The following GOLGA8A variants were observed in gnomAD, a reference collection of about 807,000 sequenced individuals.
The protein encoded by GOLGA8A is golgin A8 family member A.
Under a neutral mutation model 22.1 loss-of-function variants are expected in GOLGA8A, and 3 were observed. That is an observed-to-expected ratio of 0.14 (90% CI 0.06 to 0.35). The LOEUF is 0.35. Ranked by LOEUF, GOLGA8A falls within the 10% of genes least tolerant of loss-of-function variation. GOLGA8A has a pLI of 1.00. For synonymous variants in GOLGA8A, 7 were observed against 91.7 expected, an observed-to-expected ratio of 0.08 and a Z score of 5.28; for missense variants, 16 against 233.2, an observed-to-expected ratio of 0.07 and a Z score of 6.07.
Position 34,433,699 on chromosome 15 carries a change from T to C in GOLGA8A, c.-1123+1684A>G, listed in dbSNP as rs1231523880. ...CTCCCGTGTTTCATTCACTCACTCATCCAACAACAGCACTAAGGCTCTGCT... is the reference window on the plus strand; with the variant it reads ...CTCCCGTGTTTCATTCACTCACTCACCCAACAACAGCACTAAGGCTCTGCT... On this transcript the variant is annotated intron_variant, in intron 2 of 24. Transcript: ENST00000359187. Among the ~76,000 whole-genome samples, 4 of 149,438 alleles carry C rather than the reference T, an allele frequency of 2.7e-5. No homozygotes were observed. In the East Asian group the frequency reaches 7.9e-4, roughly 29 times the overall value.
At chr15:34,421,519 A>G (rs963197330) in intron 2 of GOLGA8A, among the ~76,000 whole-genome samples, 6 of 140,810 alleles carry the variant, frequency 4.3e-5, no homozygotes, top group Admixed American at 2.2e-4. Context: ...CAAGAATCCT[A>G]AAAGTTAACG....
intron 5 of GOLGA8A, among the ~76,000 whole-genome samples, chr15:34,401,021 T>C (rs1441600154): frequency 1.2e-5 from 1 of 80,066 alleles, no homozygotes; most frequent in Non-Finnish European, 3.0e-5. Flanking sequence ...ATCACTAACA[T>C]TTCTTCTAGA....
At chr15:34,420,681 A>G (rs1341011265) in intron 2 of GOLGA8A, among the ~76,000 whole-genome samples, 10 of 130,960 alleles carry the variant, frequency 7.6e-5, no homozygotes, top group Non-Finnish European at 1.5e-4. Flanking sequence ...TGCTTCAAAT[A>G]GAAAACACAC....
rs1482919869 is a variant in GOLGA8A at position 34,428,803 on chromosome 15, A to G, written c.-1123+6580T>C. ...CTCCCCAGACCCCACCCTGCTGCAG[A>G]GGCCTCTGCAGCCCATCACCCTGCA... On this transcript the variant is annotated intron_variant, in intron 2 of 24. Coordinates refer to ENST00000359187, the MANE Select transcript of GOLGA8A (RefSeq NM_181077.5). The G allele has an allele frequency of 4.1e-5, 6 of 145,310 alleles. No homozygotes were observed. The Admixed American group carries it at 4.2e-4, about 10-fold the overall frequency. The allele number at this position is 145,310 out of a possible 1,614,324, so 9.0% of individuals were successfully genotyped here. A position where few individuals can be genotyped will look rare whatever the true frequency, so the allele number is the denominator to read the frequency against.
chr15:34,400,977 C>T (rs1304561919), intron 5 of GOLGA8A, among the ~76,000 whole-genome samples: 8 of 89,360 alleles, frequency 9.0e-5, no homozygotes, highest in African/African-American at 1.8e-4. Flanking sequence ...TAAACCATTA[C>T]ATCTTATCTA....
At chr15:34,431,341 A>ATCTCTCTCTCTC (rs1566914029) in intron 2 of GOLGA8A, among the ~76,000 whole-genome samples, 9 of 103,080 alleles carry the variant, frequency 8.7e-5, no homozygotes, top group African/African-American at 2.9e-4. Context: ...ATATATATAT[A>ATCTCTCTCTCTC]TATATCTCAC....
In GOLGA8A at chr15:34,380,965, T is replaced by G. The variant is rs1891458095; in HGVS notation, c.*446A>C. 6.2e-6 allele frequency: 2 copies of G among 324,800 alleles called. No individual in the cohort carries two copies. Among genetic ancestry groups the G allele is most frequent in the Non-Finnish European group, 1.2e-5 (2 of 168,996 alleles). 20.1% of individuals were successfully genotyped at this position (324,800 alleles called of 1,614,324 possible). ...CATATTGAGCTATAGAAGAGCTCAC[T>G]GTGATTAAGATGAGATCAAACATCA... is the stretch of plus-strand genomic sequence containing the variant. On this transcript the variant is annotated 3_prime_UTR_variant, in exon 25 of 25. Coordinates refer to ENST00000359187, the MANE Select transcript of GOLGA8A (RefSeq NM_181077.5).
rs187180366 is a variant in GOLGA8A, at chr15:34,431,051, G to A, written c.-1123+4332C>T. Among the ~76,000 whole-genome samples the A allele has an allele frequency of 8.7e-5, 13 of 148,694 alleles. No individual in the cohort carries two copies. In the East Asian group the frequency reaches 2.6e-3, roughly 29 times the overall value. Reference sequence around the variant, plus strand: ...TGTACAATGCACACACTTGCTTCCAGAGAGACCTGAGAAATCCATCATCCC... The same window carrying A: ...TGTACAATGCACACACTTGCTTCCAAAGAGACCTGAGAAATCCATCATCCC... On this transcript the variant is annotated intron_variant, in intron 2 of 24. Coordinates refer to ENST00000359187, the MANE Select transcript of GOLGA8A (RefSeq NM_181077.5).
rs115564408 is a variant in GOLGA8A, at chr15:34,428,238, C to G, written c.-1123+7145G>C. ...CCTCCCAAGTAGCTAGGACCACACC[C>G]GTGAGCCACCACATCTGGCTAATTT... On this transcript the variant is annotated intron_variant, in intron 2 of 24. Transcript: ENST00000359187. 6.1e-5 allele frequency among the ~76,000 whole-genome samples: 9 copies of G among 147,484 alleles called. 1 individual carries two copies. In the South Asian group the frequency reaches 2.0e-3, roughly 33 times the overall value.
rs1187504283 is a variant in GOLGA8A, at chr15:34,417,797, T to A, written c.-1122-10062A>T. The A allele has an allele frequency of 1.1e-3, 161 of 148,276 alleles. 2 individuals are homozygous for A. The highest frequency in any genetic ancestry group is 3.2e-3 in the African/African-American group (130 of 40,270). 9.2% of individuals were successfully genotyped at this position (148,276 alleles called of 1,614,324 possible). The stretch of plus-strand genomic sequence containing the variant: ...TAAGATCTAGGATGTAGCTCTAGTT[T>A]ACACAGTAATTTTCAACTGAAGGAG... On this transcript the variant is annotated intron_variant, in intron 2 of 24. Coordinates refer to ENST00000359187, the MANE Select transcript of GOLGA8A (RefSeq NM_181077.5).
rs972538292 is a variant in GOLGA8A, at chr15:34,432,189, A to C, written c.-1123+3194T>G. 1.6e-4 allele frequency among the ~76,000 whole-genome samples: 24 copies of C among 148,964 alleles called. 2 individuals carry two copies. Among genetic ancestry groups the C allele is most frequent in the African/African-American group, 6.0e-4 (24 of 40,320 alleles). ...ACCTTCCTGGAGGGCTAGCTCCCAGACCCTTTTCCCATCGCTGTATAGGGC... is the reference window on the plus strand; with the variant it reads ...ACCTTCCTGGAGGGCTAGCTCCCAGCCCCTTTTCCCATCGCTGTATAGGGC... On this transcript the variant is annotated intron_variant, in intron 2 of 24. Coordinates refer to ENST00000359187, the MANE Select transcript of GOLGA8A (RefSeq NM_181077.5).
rs139357139 is a variant in GOLGA8A at position 34,427,444 on chromosome 15, G to A, written c.-1123+7939C>T. Among the ~76,000 whole-genome samples, 158 of 149,112 alleles carry A rather than the reference G, an allele frequency of 1.1e-3. 6 individuals are homozygous for A. The highest frequency in any genetic ancestry group is 3.8e-3 in the African/African-American group (152 of 40,386). On this transcript the variant is annotated intron_variant, in intron 2 of 24. Coordinates refer to ENST00000359187, the MANE Select transcript of GOLGA8A (RefSeq NM_181077.5). Reference sequence around the variant, plus strand: ...AACTTGCTTTAAAGTCCAATTGTGGGGATTTGATGTAGATGGTTCCATTTT... The same window carrying A: ...AACTTGCTTTAAAGTCCAATTGTGGAGATTTGATGTAGATGGTTCCATTTT...
intron 2 of GOLGA8A, among the ~76,000 whole-genome samples, chr15:34,430,606 CAGTT>C (rs1226049381): frequency 6.7e-6 from 1 of 149,456 alleles, no homozygotes. Context: ...TAGCCAGAAT[CAGTT>C]AGAGGCTGGA....
chr15:34,430,651 C>T (rs184108051), intron 2 of GOLGA8A, among the ~76,000 whole-genome samples: 8 of 149,560 alleles, frequency 5.3e-5, no homozygotes, highest in Admixed American at 6.7e-5. Flanking sequence ...ACCCAGCAGG[C>T]AGGTTGGTAA....
intron 2 of GOLGA8A, among the ~76,000 whole-genome samples, chr15:34,429,124 A>C (rs1415949712): frequency 3.0e-5 from 4 of 131,864 alleles, no homozygotes; most frequent in East Asian, 2.2e-4. Flanking sequence ...ACCTCCCCAC[A>C]CCCTCCTCTC....
At chr15:34,429,879 G>C (rs1394177988) in intron 2 of GOLGA8A, among the ~76,000 whole-genome samples, 1 of 147,922 alleles carries the variant, frequency 6.8e-6, no homozygotes, top group Non-Finnish European at 1.5e-5. Flanking sequence ...TTAGTGTCCC[G>C]CACCCCTTTG....
In GOLGA8A at chr15:34,431,298, TA is replaced by T. The variant is rs1566913895; in HGVS notation, c.-1123+4084del. The stretch of plus-strand genomic sequence containing the variant: ...CAACCAAATGAAAAAAAATTATATA[TA>T]TATATATATATACATATATATATAT... On this transcript the variant is annotated intron_variant, in intron 2 of 24. Coordinates refer to ENST00000359187, the MANE Select transcript of GOLGA8A (RefSeq NM_181077.5). 1.4e-3 allele frequency among the ~76,000 whole-genome samples: 16 copies of T among 11,432 alleles called. 2 individuals carry two copies. The highest frequency in any genetic ancestry group is 2.8e-3 in the African/African-American group (15 of 5,312). 7.5% of individuals were successfully genotyped at this position (11,432 alleles called of 152,430 possible).
In GOLGA8A at chr15:34,425,926, C is replaced by G. The variant is rs141163090; in HGVS notation, c.-1123+9457G>C. ...AATGAAACACAAAGACTGATCATGTCCAGAGAGCGTCGATGTCCAGAGAGT... is the reference window on the plus strand; with the variant it reads ...AATGAAACACAAAGACTGATCATGTGCAGAGAGCGTCGATGTCCAGAGAGT... On this transcript the variant is annotated intron_variant, in intron 2 of 24. Coordinates refer to ENST00000359187, the MANE Select transcript of GOLGA8A (RefSeq NM_181077.5). Among the ~76,000 whole-genome samples the G allele has an allele frequency of 6.4e-4, 92 of 144,072 alleles. 8 individuals carry two copies. The highest frequency in any genetic ancestry group is 2.2e-3 in the African/African-American group (89 of 39,864). The allele number at this position is 144,072 out of a possible 152,430, so 94.5% of individuals were successfully genotyped here. A position where few individuals can be genotyped will look rare whatever the true frequency, so the allele number is the denominator to read the frequency against.
intron 2 of GOLGA8A, among the ~76,000 whole-genome samples, chr15:34,431,293 A>T (rs1335892037): frequency 0.034 from 216 of 6,390 alleles, 2 homozygotes; most frequent in African/African-American, 0.046. Flanking sequence ...AAAAAAAATT[A>T]TATATATATA....
Sources: gnomAD v4.1 joint callset for allele counts (sites outside exome capture counted in the v4.1 genomes callset) on GRCh38, gnomAD v4.1.1 for gene constraint, MANE v1.5 for transcripts, NCBI Gene and HGNC (gene_info 2026-07-23, HGNC 2026-07-21) for gene names.